The following XKR4 variants were observed in gnomAD, a reference collection of about 807,000 sequenced individuals.
XKR4 encodes XK-related protein 4.
Under a neutral mutation model 53.9 loss-of-function variants are expected in XKR4, and 12 were observed. The observed-to-expected ratio is 0.22, with a 90% CI of 0.14 to 0.36. The LOEUF (loss-of-function observed/expected upper bound fraction) is 0.36. Ranked by LOEUF, XKR4 falls within the 10% of genes least tolerant of loss-of-function variation. The pLI is 1.00. For missense variants in XKR4, 799 were observed against 859.5 expected (o/e 0.93, Z 0.88); for synonymous variants, 354 against 362.4 (o/e 0.98, Z 0.26).
intron 2 of XKR4, among the ~76,000 whole-genome samples, chr8:55,438,794 G>A (rs939940754): frequency 1.3e-5 from 2 of 152,114 alleles, no homozygotes; most frequent in African/African-American, 2.4e-5. Flanking sequence ...AGCTGAGTTG[G>A]CAGGAATATA....
At chr8:55,252,688 T>A (rs1818377587) in intron 1 of XKR4, among the ~76,000 whole-genome samples, 1 of 152,162 alleles carries the variant, frequency 6.6e-6, no homozygotes, top group Non-Finnish European at 1.5e-5. Context: ...CATATGTAAA[T>A]GAGGACATGC....
At chr8:55,394,698 T>C (rs923406093) in intron 2 of XKR4, among the ~76,000 whole-genome samples, 16 of 152,216 alleles carry the variant, frequency 1.1e-4, no homozygotes, top group Admixed American at 9.8e-4. Context: ...AAGCATTTCT[T>C]ACTCAATTCT....
chr8:55,205,883 G>A (rs1817641119), intron 1 of XKR4, among the ~76,000 whole-genome samples: 1 of 152,188 alleles, frequency 6.6e-6, no homozygotes, highest in African/African-American at 2.4e-5. Flanking sequence ...CTTAAAGATG[G>A]TGTGTCCAGA....
chr8:55,269,528 T>C (rs983081425), intron 1 of XKR4, among the ~76,000 whole-genome samples: 3 of 152,164 alleles, frequency 2.0e-5, no homozygotes, highest in Admixed American at 2.0e-4. Context: ...GTTGAAGGTG[T>C]GTGAACACTC....
rs184467315 is a variant in XKR4 at position 55,430,602 on chromosome 8, G to A, written c.1006+72725G>A. ...TTGTATCAATATTAATACTCCAGCTGTGCTATCCTACTATAGCTTTGTAAG... is the reference window on the plus strand; with the variant it reads ...TTGTATCAATATTAATACTCCAGCTATGCTATCCTACTATAGCTTTGTAAG... On this transcript the variant is annotated intron_variant, in intron 2 of 2. Coordinates refer to ENST00000327381, the MANE Select transcript of XKR4 (RefSeq NM_052898.2). Among the ~76,000 whole-genome samples, 195 of 152,322 alleles carry A rather than the reference G, an allele frequency of 1.3e-3. 2 individuals are homozygous for A. Among genetic ancestry groups the A allele is most frequent in the Non-Finnish European group, 1.8e-4 (12 of 68,032 alleles).
intron 1 of XKR4, among the ~76,000 whole-genome samples, chr8:55,252,524 C>A (rs1272275676): frequency 6.6e-6 from 1 of 152,156 alleles, no homozygotes; most frequent in Admixed American, 6.5e-5. Context: ...GCCGCCCGAC[C>A]TTGATTCATT....
chr8:55,196,381 C>T (rs1817508328), intron 1 of XKR4, among the ~76,000 whole-genome samples: 1 of 152,004 alleles, frequency 6.6e-6, no homozygotes, highest in Admixed American at 6.6e-5. Context: ...TGGGGTTTCT[C>T]CATGTCGGTC....
At chr8:55,113,536 G>A (rs1816262183) in intron 1 of XKR4, among the ~76,000 whole-genome samples, 1 of 152,156 alleles carries the variant, frequency 6.6e-6, no homozygotes, top group African/African-American at 2.4e-5. Context: ...AACTTGAGTT[G>A]TGATAATGGT....
intron 2 of XKR4, among the ~76,000 whole-genome samples, chr8:55,457,164 A>G: frequency 1.8e-5 from 1 of 56,260 alleles, no homozygotes; most frequent in Admixed American, 2.1e-4. Context: ...TTTTTTTGAG[A>G]CTGAGTCTTG....
intron 1 of XKR4, among the ~76,000 whole-genome samples, chr8:55,322,912 T>C (rs10087573): frequency 0.47 from 71,304 of 151,966 alleles, 18,974 homozygotes; most frequent in East Asian, 0.71. Flanking sequence ...ATTCTTCCCG[T>C]GAGGACTTCC....
intron 1 of XKR4, among the ~76,000 whole-genome samples, chr8:55,193,709 G>A (rs1349376454): frequency 1.3e-5 from 2 of 152,242 alleles, no homozygotes; most frequent in Non-Finnish European, 2.9e-5. Context: ...AGAGATTGAA[G>A]CCTGGCTGTG....
chr8:55,423,177 C>A (rs7841430), intron 2 of XKR4, among the ~76,000 whole-genome samples: 16,005 of 151,856 alleles, frequency 0.11, 2,128 homozygotes, highest in African/African-American at 0.31. Flanking sequence ...CTTACTGCAA[C>A]CTCTACCTCC....
intron 1 of XKR4, among the ~76,000 whole-genome samples, chr8:55,122,401 T>A (rs1427626370): frequency 6.6e-6 from 1 of 152,254 alleles, no homozygotes; most frequent in Non-Finnish European, 1.5e-5. Context: ...TTTTACATGA[T>A]GCATTATGAC....
rs1436652572 is a variant in XKR4 at position 55,452,314 on chromosome 8, C to G, written c.1007-70967C>G. On this transcript the variant is annotated intron_variant, in intron 2 of 2. Transcript: ENST00000327381. ...CATTTCTCCTTGGTCAGCGCGGCCA[C>G]CGGGAAGGAGCGGAACACCACCTTC... 7.7e-6 allele frequency: 5 copies of G among 645,214 alleles called. No individual in the cohort carries two copies. The African/African-American group carries it at 9.1e-5, about 12-fold the overall frequency. The allele number at this position is 645,214 out of a possible 1,614,324, so 40.0% of individuals were successfully genotyped here.
intron 1 of XKR4, among the ~76,000 whole-genome samples, chr8:55,348,417 G>A (rs181427758): frequency 9.2e-5 from 14 of 152,260 alleles, no homozygotes; most frequent in Admixed American, 5.2e-4. Flanking sequence ...ACAGGATATC[G>A]TCTATGAGAA....
At chr8:55,414,425 G>C (rs1344321602) in intron 2 of XKR4, among the ~76,000 whole-genome samples, 1 of 151,622 alleles carries the variant, frequency 6.6e-6, no homozygotes, top group African/African-American at 2.4e-5. Flanking sequence ...GCCTAAGAGA[G>C]AGCACCCAAT....
intron 2 of XKR4, among the ~76,000 whole-genome samples, chr8:55,390,318 G>A (rs1197430326): frequency 6.6e-6 from 1 of 152,194 alleles, no homozygotes; most frequent in Non-Finnish European, 1.5e-5. Context: ...GATTAGCAAT[G>A]GAAAGCCTAA....
rs1046921064 is a variant in XKR4 at position 55,344,181 on chromosome 8, G to A, written c.807-13497G>A. Among the ~76,000 whole-genome samples, 4 of 152,142 alleles carry A rather than the reference G, an allele frequency of 2.6e-5. No individual in the cohort carries two copies. The East Asian group carries it at 7.7e-4, about 29-fold the overall frequency. On this transcript the variant is annotated intron_variant, in intron 1 of 2. Coordinates refer to ENST00000327381, the MANE Select transcript of XKR4 (RefSeq NM_052898.2). ...CTTGGCTGCCCAATGGATGTGACGGGTCAGGCACCCTAGGCCTATGGATTT... is the reference window on the plus strand; with the variant it reads ...CTTGGCTGCCCAATGGATGTGACGGATCAGGCACCCTAGGCCTATGGATTT...
intron 1 of XKR4, among the ~76,000 whole-genome samples, chr8:55,251,022 G>C (rs546621177): frequency 2.6e-5 from 4 of 152,202 alleles, no homozygotes; most frequent in African/African-American, 4.8e-5. Flanking sequence ...CAACAGGGAC[G>C]AAGTACACCC....
Sources: gnomAD v4.1 joint callset for allele counts (sites outside exome capture counted in the v4.1 genomes callset) on GRCh38, gnomAD v4.1.1 for gene constraint, MANE v1.5 for transcripts, NCBI Gene and HGNC (gene_info 2026-07-23, HGNC 2026-07-21) for gene names.